AEBP2: variants seen among roughly 807,000 people sequenced by gnomAD.
The protein encoded by AEBP2 is zinc finger protein AEBP2.
In AEBP2, 10 loss-of-function variants were observed where a neutral mutation model predicts 50.8. The observed-to-expected ratio is 0.20, with a 90% CI of 0.12 to 0.33. The LOEUF is 0.33. AEBP2 is among the 10% of genes least tolerant of loss of function. The pLI is 1.00. For missense variants in AEBP2, 570 were observed against 688.0 expected (o/e 0.83, Z 1.92); for synonymous variants, 296 against 261.3 (o/e 1.13, Z -1.28).
intron 3 of AEBP2, among the ~76,000 whole-genome samples, chr12:19,473,686 A>G (rs1250290654): frequency 2.6e-5 from 4 of 152,304 alleles, no homozygotes; most frequent in East Asian, 1.9e-4. Flanking sequence ...GATTACAGGC[A>G]TGAGCCACTG....
chr12:19,514,414 A>G (rs1269263209), intron 6 of AEBP2, among the ~76,000 whole-genome samples: 1 of 152,170 alleles, frequency 6.6e-6, no homozygotes, highest in African/African-American at 2.4e-5. Context: ...ACAAATTTCT[A>G]ATTTGATAAG....
At chr12:19,462,790 T>G in intron 2 of AEBP2, 73 bp downstream of exon 2, 1 of 1,352,932 alleles carries the variant, frequency 7.4e-7, no homozygotes, top group South Asian at 1.5e-5. Flanking sequence ...CTAGTTAGGC[T>G]TTTTTGCTGA....
chr12:19,404,149 G>A (rs1031633318), exon 1 of AEBP2: 1 of 152,224 alleles, frequency 6.6e-6, no homozygotes, highest in African/African-American at 2.4e-5. Context: ...GATCTCACTT[G>A]GGAGCTTCTC....
At chr12:19,437,348 A>G (rs1328207734), upstream of AEBP2, among the ~76,000 whole-genome samples, 3 of 152,122 alleles carry the variant, frequency 2.0e-5, no homozygotes, top group Non-Finnish European at 4.4e-5. Flanking sequence ...AATTTGTTAC[A>G]CTTTTCTCTT....
intron 1 of AEBP2, among the ~76,000 whole-genome samples, chr12:19,411,083 ATG>A (rs2095739018): frequency 6.6e-6 from 1 of 152,172 alleles, no homozygotes. Context: ...GCTTATAGGG[ATG>A]TTAACAGATG....
intron 1 of AEBP2, among the ~76,000 whole-genome samples, chr12:19,459,725 A>C (rs888737818): frequency 6.6e-6 from 1 of 152,172 alleles, no homozygotes; most frequent in Admixed American, 6.5e-5. Context: ...TTTAGAATCT[A>C]TATTGACTAG....
At chr12:19,413,937 A>G (rs1362960785) in intron 1 of AEBP2, among the ~76,000 whole-genome samples, 1 of 150,178 alleles carries the variant, frequency 6.7e-6, no homozygotes, top group Non-Finnish European at 1.5e-5. Flanking sequence ...TGTGTCACCC[A>G]GGCTGGAGTG....
chr12:19,467,663 C>T (rs959546483), intron 2 of AEBP2, among the ~76,000 whole-genome samples: 2 of 152,142 alleles, frequency 1.3e-5, no homozygotes, highest in African/African-American at 2.4e-5. Context: ...AATCGAATTT[C>T]AAATCCCAGT....
At chr12:19,466,905 A>C (rs1172387421) in intron 2 of AEBP2, 1 of 707,904 alleles carries the variant, frequency 1.4e-6, no homozygotes, top group Non-Finnish European at 1.7e-6. Flanking sequence ...TCATTCCACT[A>C]TAATCTTTGC....
intron 3 of AEBP2, among the ~76,000 whole-genome samples, chr12:19,474,725 A>C (rs1592749121): frequency 6.6e-6 from 1 of 152,142 alleles, no homozygotes; most frequent in East Asian, 1.9e-4. Flanking sequence ...TCTATATACC[A>C]AGTTTCTTCC....
chr12:19,419,887 A>G (rs1438684676), intron 1 of AEBP2, among the ~76,000 whole-genome samples: 34 of 145,694 alleles, frequency 2.3e-4, no homozygotes, highest in Middle Eastern at 4.7e-3. Flanking sequence ...CTGAGATCGC[A>G]CCACTGCGCT....
At chr12:19,439,437 G>A (rs535244035), upstream of AEBP2, among the ~76,000 whole-genome samples, 1 of 151,264 alleles carries the variant, frequency 6.6e-6, no homozygotes, top group East Asian at 2.0e-4. Context: ...GGGCGGGGGC[G>A]CAGAACCCGC....
chr12:19,512,305 C>G (rs1187919165), intron 5 of AEBP2, 93 bp from the exon 6 acceptor site: 1 of 780,374 alleles, frequency 1.3e-6, no homozygotes, highest in African/African-American at 1.8e-5. Flanking sequence ...CAGGCATGAG[C>G]CATCGCGCCC....
intron 6 of AEBP2, among the ~76,000 whole-genome samples, chr12:19,512,995 G>A (rs1479004429): frequency 6.6e-6 from 1 of 152,004 alleles, no homozygotes; most frequent in Non-Finnish European, 1.5e-5. Context: ...TTTAAATCTT[G>A]TGTGGTGTTT....
At chr12:19,417,136 T>C (rs2095743064) in intron 1 of AEBP2, among the ~76,000 whole-genome samples, 1 of 151,916 alleles carries the variant, frequency 6.6e-6, no homozygotes, top group Admixed American at 6.6e-5. Context: ...CCTCCCAAAG[T>C]GCTGGGATTA....
chr12:19,454,875 A>C (rs1255651849), intron 1 of AEBP2, among the ~76,000 whole-genome samples: 1 of 152,174 alleles, frequency 6.6e-6, no homozygotes, highest in Non-Finnish European at 1.5e-5. Flanking sequence ...GCTTGCCCCT[A>C]TCCATTTGAC....
intron 1 of AEBP2, among the ~76,000 whole-genome samples, chr12:19,422,001 G>C (rs1440064013): frequency 6.6e-6 from 1 of 152,112 alleles, no homozygotes; most frequent in Non-Finnish European, 1.5e-5. Context: ...AATTAGCTGG[G>C]TGTGGTGGCT....
At chr12:19,486,908 T>C (rs535710962) in intron 3 of AEBP2, among the ~76,000 whole-genome samples, 1 of 152,162 alleles carries the variant, frequency 6.6e-6, no homozygotes, top group African/African-American at 2.4e-5. Flanking sequence ...TCTACCCGCC[T>C]CGGCCTTCCA....
At chr12:19,419,786 C>T (rs534858146) in intron 1 of AEBP2, among the ~76,000 whole-genome samples, 5 of 151,172 alleles carry the variant, frequency 3.3e-5, no homozygotes, top group South Asian at 2.1e-4. Context: ...AAAAATTAGC[C>T]GGGCGTGGTG....
Sources: allele counts gnomAD v4.1 joint callset (sites outside exome capture counted in the v4.1 genomes callset), GRCh38; gene constraint gnomAD v4.1.1; transcripts MANE v1.5; gene names NCBI Gene and HGNC (gene_info 2026-07-23, HGNC 2026-07-21).